NCKAP1L: variants seen among roughly 807,000 people sequenced by gnomAD.
NCKAP1L encodes the protein NCK associated protein 1 like.
Under a neutral mutation model 139.2 loss-of-function variants are expected in NCKAP1L, and 53 were observed. The observed-to-expected ratio is 0.38, with a 90% CI of 0.31 to 0.48. The LOEUF (loss-of-function observed/expected upper bound fraction) is 0.48. Ranked by LOEUF, NCKAP1L falls within the 20% of genes least tolerant of loss-of-function variation. NCKAP1L has a pLI of 0.98. For missense variants in NCKAP1L, 1,151 were observed against 1,381.9 expected, an observed-to-expected ratio of 0.83 and a Z score of 2.65; for synonymous variants, 468 against 499.7, an observed-to-expected ratio of 0.94 and a Z score of 0.85.
rs373626744 is a variant in NCKAP1L, at chr12:54,538,945, G to C, written c.3245G>C (p.Arg1082Pro). 1.2e-6 allele frequency: 2 copies of C among 1,614,030 alleles called. No individual in the cohort carries two copies. The highest frequency in any genetic ancestry group is 1.7e-6 in the Non-Finnish European group (2 of 1,179,954). ...QETDKLKTRNRESISLLMRLV... is the reference protein window; with the variant it reads ...QETDKLKTRNPESISLLMRLV... ...ACTGACAAGCTTAAAACCAGAAATC[G>C]AGAATCCATTTCTCTGCTCATGCGC... The change falls in exon 30 of 31, where the codon CGA becomes CCA. Residue 1082 changes from arginine to proline, a missense_variant. Arg to Pro is a moderately radical substitution (Grantham distance 103). Coordinates refer to ENST00000293373, the MANE Select transcript of NCKAP1L (RefSeq NM_005337.5).
chr12:54,503,437 T>TA (rs576144079), intron 3 of NCKAP1L, among the ~76,000 whole-genome samples: 13 of 151,832 alleles, frequency 8.6e-5, no homozygotes, highest in African/African-American at 1.7e-4. Flanking sequence ...CATGGGGAAA[T>TA]AAAAAAAGGA....
chr12:54,505,950 C>T (rs575578162), intron 3 of NCKAP1L, among the ~76,000 whole-genome samples: 33 of 152,308 alleles, frequency 2.2e-4, no homozygotes, highest in Middle Eastern at 3.4e-3. Flanking sequence ...GCGGGAGCCA[C>T]GGCACCCGGC....
At chr12:54,518,603 C>G (rs1011969655) in intron 13 of NCKAP1L, 48 bp from the exon 14 acceptor site, 1 of 1,433,504 alleles carries the variant, frequency 7.0e-7, no homozygotes, top group African/African-American at 1.4e-5. Context: ...TAGTTTCTGT[C>G]CTAGGGAACC....
At chr12:54,506,194 G>A (rs1009106805) in intron 3 of NCKAP1L, among the ~76,000 whole-genome samples, 1 of 152,042 alleles carries the variant, frequency 6.6e-6, no homozygotes, top group African/African-American at 2.4e-5. Flanking sequence ...ATAAGAAACC[G>A]CCAAACCTTT....
At chr12:54,530,678 G>C (rs555502601) in intron 22 of NCKAP1L, among the ~76,000 whole-genome samples, 3 of 152,348 alleles carry the variant, frequency 2.0e-5, no homozygotes, top group African/African-American at 7.2e-5. Context: ...CTGTGGTTAA[G>C]TGGCTCCGGA....
chr12:54,512,243 AC>A, intron 9 of NCKAP1L, 138 bp downstream of exon 9: 1 of 871,896 alleles, frequency 1.1e-6, no homozygotes, highest in Non-Finnish European at 1.7e-6. Flanking sequence ...TACATTAAAT[AC>A]CTACTATTAG....
intron 22 of NCKAP1L, among the ~76,000 whole-genome samples, chr12:54,530,228 C>T (rs907476580): frequency 1.3e-5 from 2 of 152,242 alleles, no homozygotes; most frequent in African/African-American, 4.8e-5. Context: ...CTTTCTTCTA[C>T]TGGTCTCTTG....
chr12:54,526,436 C>A, intron 20 of NCKAP1L, 92 bp from the exon 21 acceptor site: 1 of 995,686 alleles, frequency 1.0e-6, no homozygotes, highest in South Asian at 1.4e-5. Context: ...AAAATCCTAG[C>A]ACAGCACCTG....
Position 54,523,755 on chromosome 12 carries a change from C to A in NCKAP1L, c.2025-70C>A, listed in dbSNP as rs555451439. The A allele has an allele frequency of 1.1e-5, 17 of 1,557,484 alleles. No homozygotes were observed. The South Asian group carries it at 2.1e-4, about 19-fold the overall frequency. On this transcript the variant is annotated intron_variant, in intron 19 of 30. Coordinates refer to ENST00000293373, the MANE Select transcript of NCKAP1L (RefSeq NM_005337.5). ...GTATCCCTAGAAACTGGGTCATGGG[C>A]CCAACACGTCCTTCCTAGACATTAG...
At chr12:54,499,064 T>C (rs1481810745) in intron 1 of NCKAP1L, among the ~76,000 whole-genome samples, 1 of 152,066 alleles carries the variant, frequency 6.6e-6, no homozygotes, top group African/African-American at 2.4e-5. Context: ...TACCTGGGAC[T>C]ACAGTTGTGC....
intron 22 of NCKAP1L, 124 bp downstream of exon 22, chr12:54,528,501 C>T: frequency 8.6e-7 from 1 of 1,162,102 alleles, no homozygotes. Context: ...CTTTTCATTG[C>T]AAAAACCACA....
intron 22 of NCKAP1L, among the ~76,000 whole-genome samples, chr12:54,530,398 T>C: frequency 6.6e-6 from 1 of 152,194 alleles, no homozygotes. Context: ...CAGAGCAGGC[T>C]GGGTGGCAAG....
At chr12:54,522,402 A>T (rs1565678830) in intron 18 of NCKAP1L, among the ~76,000 whole-genome samples, 1 of 152,256 alleles carries the variant, frequency 6.6e-6, no homozygotes, top group Non-Finnish European at 1.5e-5. Context: ...TGACTAAAAC[A>T]TGATGCGAAT....
chr12:54,520,194 T>A (rs988292106), intron 16 of NCKAP1L, among the ~76,000 whole-genome samples: 1 of 152,186 alleles, frequency 6.6e-6, no homozygotes, highest in African/African-American at 2.4e-5. Context: ...GAAAAGGACA[T>A]CAACATAGTA....
intron 9 of NCKAP1L, among the ~76,000 whole-genome samples, chr12:54,512,746 C>T (rs1230459625): frequency 6.7e-6 from 1 of 148,618 alleles, no homozygotes; most frequent in Non-Finnish European, 1.5e-5. Flanking sequence ...AAAGGCTAAA[C>T]AGTTGAAGAG....
Position 54,513,508 on chromosome 12 carries a change from A to T in NCKAP1L, c.941+1403A>T, listed in dbSNP as rs138174892. ...ATGGGAAAATCCTCTGTGTATGTTG[A>T]TATTTAAGGGCCAGAGAAATCAGTG... On this transcript the variant is annotated intron_variant, in intron 9 of 30. Coordinates refer to ENST00000293373, the MANE Select transcript of NCKAP1L (RefSeq NM_005337.5). Among the ~76,000 whole-genome samples, 217 of 152,314 alleles carry T rather than the reference A, an allele frequency of 1.4e-3. 1 individual carries two copies. The highest frequency in any genetic ancestry group is 2.6e-3 in the Admixed American group (40 of 15,296).
Position 54,507,917 on chromosome 12 carries a change from C to A in NCKAP1L, c.363+8C>A. The A allele has an allele frequency of 1.9e-6, 3 of 1,613,368 alleles. No individual in the cohort carries two copies. Among genetic ancestry groups the A allele is most frequent in the Non-Finnish European group, 2.5e-6 (3 of 1,179,346 alleles). ...CAGTGCCATTTTGATATCGTAAGAA[C>A]CTTTGCAATTCTCTTCTATCGTAGA... On this transcript the variant is annotated splice_region_variant and intron_variant, in intron 4 of 30. Transcript: ENST00000293373.
intron 3 of NCKAP1L, among the ~76,000 whole-genome samples, chr12:54,504,920 G>A (rs1373508493): frequency 1.3e-5 from 2 of 152,182 alleles, no homozygotes; most frequent in African/African-American, 4.8e-5. Flanking sequence ...TAGTGACATT[G>A]GTTGTGTGAG....
chr12:54,511,145 C>G (rs900372251), intron 7 of NCKAP1L, among the ~76,000 whole-genome samples: 5 of 152,128 alleles, frequency 3.3e-5, no homozygotes, highest in Non-Finnish European at 7.4e-5. Flanking sequence ...AAGGATTAAC[C>G]ATCACAGGGA....
Sources: allele counts gnomAD v4.1 joint callset (sites outside exome capture counted in the v4.1 genomes callset), GRCh38; gene constraint gnomAD v4.1.1; transcripts MANE v1.5; gene names NCBI Gene and HGNC (gene_info 2026-07-23, HGNC 2026-07-21).